SEMA3E: variants seen among roughly 807,000 people sequenced by gnomAD.
SEMA3E encodes the protein semaphorin-3E.
Under a neutral mutation model 93.6 loss-of-function variants are expected in SEMA3E, and 49 were observed. The ratio of observed to expected loss-of-function variants is 0.52; its 90% CI spans 0.42 to 0.66. The LOEUF is 0.66. Ranked by LOEUF, SEMA3E falls within the 30% of genes least tolerant of loss-of-function variation. The probability of loss-of-function intolerance (pLI) is 0.00; values close to 1 mark genes in which losing one functional copy is unlikely to be tolerated. For synonymous variants in SEMA3E, 363 were observed against 330.7 expected (o/e 1.10, Z -1.06); for missense variants, 906 against 964.8 (o/e 0.94, Z 0.81).
At chr7:83,527,958 T>A (rs1791196846) in intron 1 of SEMA3E, among the ~76,000 whole-genome samples, 1 of 152,060 alleles carries the variant, frequency 6.6e-6, no homozygotes. Flanking sequence ...TTAGTTATAA[T>A]AAGACAGATG....
intron 2 of SEMA3E, among the ~76,000 whole-genome samples, chr7:83,479,988 A>G (rs987650869): frequency 6.6e-6 from 1 of 152,230 alleles, no homozygotes; most frequent in Non-Finnish European, 1.5e-5. Context: ...TAACTAAAAA[A>G]GTTTTTCTCA....
intron 1 of SEMA3E, among the ~76,000 whole-genome samples, chr7:83,637,040 ATGTGTG>A (rs551927562): frequency 2.1e-4 from 31 of 148,738 alleles, no homozygotes; most frequent in African/African-American, 6.4e-4. Context: ...GTGTGTGTGT[ATGTGTG>A]TGTGTGTGTG....
intron 1 of SEMA3E, among the ~76,000 whole-genome samples, chr7:83,558,937 C>T (rs189105953): frequency 2.6e-5 from 4 of 152,224 alleles, no homozygotes; most frequent in Admixed American, 2.0e-4. Context: ...GCTAACTCAT[C>T]AATTGAAAAT....
intron 4 of SEMA3E, among the ~76,000 whole-genome samples, chr7:83,431,129 C>A (rs1788874394): frequency 6.7e-6 from 1 of 149,860 alleles, no homozygotes; most frequent in South Asian, 2.1e-4. Context: ...CAGGTTTCTG[C>A]TATTAATATA....
intron 1 of SEMA3E, among the ~76,000 whole-genome samples, chr7:83,500,963 A>G (rs1178127046): frequency 1.3e-5 from 2 of 152,010 alleles, no homozygotes; most frequent in Admixed American, 6.6e-5. Context: ...TTATTTAGGT[A>G]CTTATTTTTT....
In SEMA3E at chr7:83,442,505, A is replaced by C. The variant is rs1789135433; in HGVS notation, c.456+23977T>G. ...CAATGTAAATTTCTATTATCTCAAC[A>C]GTGATTTAGCCACTTAAGGAATGGG... On this transcript the variant is annotated intron_variant, in intron 4 of 16. Coordinates refer to ENST00000643230, the MANE Select transcript of SEMA3E (RefSeq NM_012431.3). 3.9e-5 allele frequency among the ~76,000 whole-genome samples: 6 copies of C among 152,324 alleles called. No individual in the cohort carries two copies. The South Asian group carries it at 1.2e-3, about 32-fold the overall frequency.
chr7:83,595,872 T>C lies in SEMA3E; in HGVS notation c.115+52556A>G, dbSNP rs1418225961. On this transcript the variant is annotated intron_variant, in intron 1 of 16. Coordinates refer to ENST00000643230, the MANE Select transcript of SEMA3E (RefSeq NM_012431.3). ...TCCACTGAAAAGGTTTTTTTCTTTG[T>C]AATTAATATATTTTAGGGAGAAATA... Among the ~76,000 whole-genome samples, 3 of 152,108 alleles carry C rather than the reference T, an allele frequency of 2.0e-5. No individual in the cohort carries two copies. The East Asian group carries it at 5.8e-4, about 29-fold the overall frequency.
Position 83,617,821 on chromosome 7 carries a change from A to G in SEMA3E, c.115+30607T>C, listed in dbSNP as rs113687842. Among the ~76,000 whole-genome samples, 1,158 of 151,928 alleles carry G rather than the reference A, an allele frequency of 7.6e-3. 17 individuals carry two copies. Among genetic ancestry groups the G allele is most frequent in the African/African-American group, 0.026 (1,079 of 41,500 alleles). ...TTCTTTCACAACAATTAAAAAAGTAATATCAATATAAAACATGATTAAAAA... is the reference window on the plus strand; with the variant it reads ...TTCTTTCACAACAATTAAAAAAGTAGTATCAATATAAAACATGATTAAAAA... On this transcript the variant is annotated intron_variant, in intron 1 of 16. Coordinates refer to ENST00000643230, the MANE Select transcript of SEMA3E (RefSeq NM_012431.3).
At chr7:83,559,708 T>A (rs215269) in intron 1 of SEMA3E, among the ~76,000 whole-genome samples, 63,752 of 151,800 alleles carry the variant, frequency 0.42, 14,224 homozygotes, top group African/African-American at 0.58. Context: ...ATCCAGCAAT[T>A]GCACTCCTTG....
chr7:83,426,532 G>C (rs1788772050), intron 4 of SEMA3E, among the ~76,000 whole-genome samples: 1 of 152,064 alleles, frequency 6.6e-6, no homozygotes, highest in South Asian at 2.1e-4. Flanking sequence ...ATCACTAGAG[G>C]GAGTGAGGGA....
chr7:83,596,903 A>C lies in SEMA3E; in HGVS notation c.115+51525T>G, dbSNP rs1792887689. The stretch of plus-strand genomic sequence containing the variant: ...TAACCGAAATAACTTCCTAAGGGCA[A>C]GGTTTTAGGAAACTCTTCATCCTAC... On this transcript the variant is annotated intron_variant, in intron 1 of 16. Coordinates refer to ENST00000643230, the MANE Select transcript of SEMA3E (RefSeq NM_012431.3). Among the ~76,000 whole-genome samples the C allele has an allele frequency of 2.0e-5, 3 of 152,140 alleles. No homozygotes were observed. In the South Asian group the frequency reaches 6.2e-4, roughly 31 times the overall value.
At chr7:83,399,874 G>A (rs541312173) in intron 11 of SEMA3E, among the ~76,000 whole-genome samples, 154 bp downstream of exon 11, 1 of 152,136 alleles carries the variant, frequency 6.6e-6, no homozygotes, top group South Asian at 2.1e-4. Context: ...AGCCACATGA[G>A]GTCTCTATTT....
At chr7:83,408,330 T>G in intron 6 of SEMA3E, 38 bp downstream of exon 6, 2 of 1,613,000 alleles carry the variant, frequency 1.2e-6, no homozygotes, top group Non-Finnish European at 1.7e-6. Context: ...TAGAGTTGAT[T>G]TCAATCCTAA....
intron 2 of SEMA3E, among the ~76,000 whole-genome samples, chr7:83,489,048 CA>C (rs1790325099): frequency 6.6e-6 from 1 of 151,936 alleles, no homozygotes. Flanking sequence ...GCATGTGGCT[CA>C]GTGGTGAATA....
chr7:83,488,124 T>A (rs1237642159), intron 2 of SEMA3E, among the ~76,000 whole-genome samples: 1 of 150,140 alleles, frequency 6.7e-6, no homozygotes, highest in Non-Finnish European at 1.5e-5. Flanking sequence ...AGAAGAGGGG[T>A]GGGTGTGGAT....
chr7:83,516,967 A>T (rs1215400133), intron 1 of SEMA3E, among the ~76,000 whole-genome samples: 19 of 150,544 alleles, frequency 1.3e-4, no homozygotes, highest in Non-Finnish European at 2.8e-4. Flanking sequence ...ATGTATATAA[A>T]ATATAGAAAG....
intron 4 of SEMA3E, among the ~76,000 whole-genome samples, chr7:83,443,138 T>C (rs1789153706): frequency 6.6e-6 from 1 of 152,204 alleles, no homozygotes; most frequent in South Asian, 2.1e-4. Flanking sequence ...GTCCAGTTAC[T>C]GCCCATACTA....
intron 1 of SEMA3E, among the ~76,000 whole-genome samples, chr7:83,619,714 A>G (rs535046905): frequency 5.9e-5 from 9 of 151,984 alleles, no homozygotes; most frequent in African/African-American, 1.9e-4. Context: ...CACATTTGAG[A>G]TAATACTATG....
intron 1 of SEMA3E, among the ~76,000 whole-genome samples, chr7:83,606,799 A>C (rs1458188362): frequency 6.6e-6 from 1 of 152,040 alleles, no homozygotes; most frequent in Non-Finnish European, 1.5e-5. Context: ...TCAGATTTGA[A>C]ATTATTGTTT....
Sources: allele counts gnomAD v4.1 joint callset (sites outside exome capture counted in the v4.1 genomes callset), GRCh38; gene constraint gnomAD v4.1.1; transcripts MANE v1.5; gene names NCBI Gene and HGNC (gene_info 2026-07-23, HGNC 2026-07-21).